Variants in EPHA3 observed in about 807,000 individuals in gnomAD.
EPHA3 encodes the protein ephrin type-A receptor 3.
A neutral mutation model predicts 107.1 loss-of-function variants in EPHA3; 42 were observed. That is an observed-to-expected ratio of 0.39 (90% CI 0.31 to 0.51). The LOEUF is 0.51. EPHA3 is among the 20% of genes least tolerant of loss of function. The pLI, the probability that EPHA3 is intolerant of heterozygous loss-of-function variation, is 0.78. For missense variants in EPHA3, 1,183 were observed against 1,211.2 expected, an observed-to-expected ratio of 0.98 and a Z score of 0.35; for synonymous variants, 461 against 424.8, an observed-to-expected ratio of 1.09 and a Z score of -1.05.
intron 2 of EPHA3, among the ~76,000 whole-genome samples, chr3:89,204,474 GAC>G (rs1049448713): frequency 3.8e-5 from 3 of 78,470 alleles, no homozygotes; most frequent in African/African-American, 1.6e-4. Context: ...TCTCTGATTT[GAC>G]ACACCACACA....
At position 89,408,145 on chromosome 3, in the gene EPHA3, C is replaced by G; in HGVS notation, c.1762+14C>G. ...GCAATGGGCATTGTAAGTTTCTAAA[C>G]TTGGCTTTTTGTTTTGCTTCACCGT... On this transcript the variant is annotated intron_variant, in intron 9 of 16. Coordinates refer to ENST00000336596, the MANE Select transcript of EPHA3 (RefSeq NM_005233.6). The G allele has an allele frequency of 6.2e-7, 1 of 1,611,878 alleles. No individual in the cohort carries two copies.
chr3:89,398,858 G>A (rs2107507429), intron 6 of EPHA3, among the ~76,000 whole-genome samples: 2 of 152,134 alleles, frequency 1.3e-5, no homozygotes, highest in Middle Eastern at 3.4e-3. Flanking sequence ...GGACAGGTGC[G>A]GTGGCTCATG....
chr3:89,316,404 T>A (rs1325758993), intron 3 of EPHA3, among the ~76,000 whole-genome samples: 1 of 150,880 alleles, frequency 6.6e-6, no homozygotes, highest in Non-Finnish European at 1.5e-5. Flanking sequence ...CTATCAGATA[T>A]GACGTTTCAC....
At chr3:89,428,565 T>C (rs1240916074) in intron 11 of EPHA3, among the ~76,000 whole-genome samples, 1 of 152,070 alleles carries the variant, frequency 6.6e-6, no homozygotes, top group Non-Finnish European at 1.5e-5. Context: ...TAAATAATTA[T>C]AACTATTATT....
chr3:89,320,856 G>C (rs1707026124), intron 3 of EPHA3, among the ~76,000 whole-genome samples: 1 of 151,994 alleles, frequency 6.6e-6, no homozygotes, highest in South Asian at 2.1e-4. Context: ...ATCTCTCTCA[G>C]TAGTTGCTGT....
At chr3:89,248,934 A>T (rs1486292912) in intron 3 of EPHA3, among the ~76,000 whole-genome samples, 2 of 152,226 alleles carry the variant, frequency 1.3e-5, no homozygotes, top group Non-Finnish European at 2.9e-5. Flanking sequence ...TTGTTCTTAC[A>T]TGAAATTAAG....
intron 2 of EPHA3, among the ~76,000 whole-genome samples, chr3:89,180,712 TTA>T (rs149328069): frequency 1.0e-3 from 153 of 152,106 alleles, no homozygotes; most frequent in African/African-American, 3.6e-3. Flanking sequence ...GCTTTGTCAT[TTA>T]TTTTTCTCTG....
At chr3:89,396,305 T>G (rs887054266) in intron 6 of EPHA3, among the ~76,000 whole-genome samples, 12 of 152,222 alleles carry the variant, frequency 7.9e-5, no homozygotes, top group African/African-American at 2.9e-4. Flanking sequence ...GTTTTTTTAG[T>G]TCATTGCCTC....
chr3:89,336,074 CT>C (rs772973413), intron 3 of EPHA3, among the ~76,000 whole-genome samples: 26 of 152,138 alleles, frequency 1.7e-4, no homozygotes, highest in Non-Finnish European at 3.1e-4. Flanking sequence ...TGTCTAATCT[CT>C]TTTTTCTTTG....
chr3:89,112,687 A>G (rs1301862752), intron 1 of EPHA3, among the ~76,000 whole-genome samples: 1 of 151,984 alleles, frequency 6.6e-6, no homozygotes, highest in Non-Finnish European at 1.5e-5. Flanking sequence ...TCCAAGTCAT[A>G]AGATCTTCAG....
chr3:89,257,934 A>C (rs916777656), intron 3 of EPHA3, among the ~76,000 whole-genome samples: 1 of 152,100 alleles, frequency 6.6e-6, no homozygotes, highest in African/African-American at 2.4e-5. Context: ...ATTCACGTGA[A>C]CTCTGTGTCA....
chr3:89,162,682 A>G (rs1704977569), intron 2 of EPHA3, among the ~76,000 whole-genome samples: 1 of 152,210 alleles, frequency 6.6e-6, no homozygotes, highest in Non-Finnish European at 1.5e-5. Context: ...GGTGAAGTGA[A>G]GCTGTGATCT....
At chr3:89,285,049 AG>A (rs1706046500) in intron 3 of EPHA3, among the ~76,000 whole-genome samples, 1 of 152,066 alleles carries the variant, frequency 6.6e-6, no homozygotes, top group Non-Finnish European at 1.5e-5. Flanking sequence ...CACTAAACCC[AG>A]GGGGCAGAGG....
chr3:89,277,336 A>C (rs946973040), intron 3 of EPHA3, among the ~76,000 whole-genome samples: 3 of 152,170 alleles, frequency 2.0e-5, no homozygotes, highest in African/African-American at 7.2e-5. Context: ...GAAATCCTTT[A>C]AGCTCTTGAA....
chr3:89,258,229 G>A (rs1386167340), intron 3 of EPHA3, among the ~76,000 whole-genome samples: 1 of 152,148 alleles, frequency 6.6e-6, no homozygotes, highest in Non-Finnish European at 1.5e-5. Context: ...CAAAAACAGG[G>A]GGCCATGGGG....
rs558961483 is a variant in EPHA3 at position 89,220,263 on chromosome 3, G to A, written c.814+9743G>A. Among the ~76,000 whole-genome samples, 4 of 152,240 alleles carry A rather than the reference G, an allele frequency of 2.6e-5. No homozygotes were observed. The South Asian group carries it at 8.3e-4, about 32-fold the overall frequency. On this transcript the variant is annotated intron_variant, in intron 3 of 16. Coordinates refer to ENST00000336596, the MANE Select transcript of EPHA3 (RefSeq NM_005233.6). ...ATTAGCAGAGCTCGAATTGGTACTT[G>A]ACATCTTGTGATTGTGCTTCAGGAC...
intron 2 of EPHA3, among the ~76,000 whole-genome samples, chr3:89,180,294 T>C (rs1288921638): frequency 1.3e-5 from 2 of 149,552 alleles, no homozygotes; most frequent in African/African-American, 2.5e-5. Context: ...CTTTATGCAA[T>C]TCCAAATCTG....
intron 2 of EPHA3, among the ~76,000 whole-genome samples, chr3:89,165,396 A>T (rs1705039546): frequency 6.6e-6 from 1 of 152,234 alleles, no homozygotes; most frequent in Admixed American, 6.5e-5. Context: ...TTTTCGTAAT[A>T]ATTATTTTTA....
chr3:89,193,256 C>A (rs1488169592), intron 2 of EPHA3, among the ~76,000 whole-genome samples: 1 of 151,960 alleles, frequency 6.6e-6, no homozygotes, highest in Non-Finnish European at 1.5e-5. Flanking sequence ...AAGTAGCTGG[C>A]CATTGTTTTT....
Sources: gnomAD v4.1 joint callset for allele counts (sites outside exome capture counted in the v4.1 genomes callset) on GRCh38, gnomAD v4.1.1 for gene constraint, MANE v1.5 for transcripts, NCBI Gene and HGNC (gene_info 2026-07-23, HGNC 2026-07-21) for gene names.